BIRC6: variants seen among roughly 807,000 people sequenced by gnomAD.
BIRC6 encodes baculoviral IAP repeat containing 6, also known as dual E2 ubiquitin-conjugating enzyme/E3 ubiquitin-protein ligase BIRC6.
BIRC6 carries 98 observed loss-of-function variants against 503.3 expected under a neutral mutation model. That is an observed-to-expected ratio of 0.19 (90% CI 0.17 to 0.23). BIRC6 has a LOEUF of 0.23. Ranked by LOEUF, BIRC6 falls within the 10% of genes least tolerant of loss-of-function variation. BIRC6 has a pLI of 1.00. For missense variants in BIRC6, 5,360 were observed against 5,806.0 expected, an observed-to-expected ratio of 0.92 and a Z score of 2.50; for synonymous variants, 2,240 against 2,078.7, an observed-to-expected ratio of 1.08 and a Z score of -2.11.
chr2:32,525,162 TTTTTA>T lies in BIRC6; in HGVS notation c.11755+148_11755+152del, dbSNP rs533934933. On this transcript the variant is annotated intron_variant, in intron 58 of 73. Coordinates refer to ENST00000421745, the MANE Select transcript of BIRC6 (RefSeq NM_016252.4). ...GATGTTTTAATACTAGATTTTTATC[TTTTTA>T]TTTTTATTTTTTTTCACTTTCCACT... 8.3e-4 allele frequency: 668 copies of T among 800,748 alleles called. 4 individuals carry two copies. Among genetic ancestry groups the T allele is most frequent in the Non-Finnish European group, 6.2e-5 (34 of 550,600 alleles). 49.6% of individuals were successfully genotyped at this position (800,748 alleles called of 1,614,324 possible).
intron 2 of BIRC6, 69 bp downstream of exon 2, chr2:32,377,838 A>C: frequency 3.7e-6 from 5 of 1,336,934 alleles, no homozygotes; most frequent in Non-Finnish European, 2.0e-6. Context: ...ATGTTAAATG[A>C]AATTAAGTCA....
chr2:32,573,441 C>T (rs935083730), intron 65 of BIRC6, among the ~76,000 whole-genome samples: 1 of 152,178 alleles, frequency 6.6e-6, no homozygotes, highest in African/African-American at 2.4e-5. Flanking sequence ...GGTGATCCAT[C>T]AGCCTCAGCC....
intron 1 of BIRC6, among the ~76,000 whole-genome samples, chr2:32,358,122 A>G (rs1299201257): frequency 1.3e-5 from 2 of 151,870 alleles, no homozygotes; most frequent in Non-Finnish European, 2.9e-5. Flanking sequence ...CGACGACTGT[A>G]GGACTCTGCG....
intron 3 of BIRC6, 148 bp from the exon 4 acceptor site, chr2:32,388,602 A>G: frequency 3.4e-6 from 2 of 596,296 alleles, no homozygotes; most frequent in Non-Finnish European, 5.4e-6. Flanking sequence ...TTTTTTTATA[A>G]CTGCAAGTTT....
intron 5 of BIRC6, among the ~76,000 whole-genome samples, chr2:32,394,151 C>G (rs2039579963): frequency 6.7e-6 from 1 of 149,682 alleles, no homozygotes; most frequent in Non-Finnish European, 1.5e-5. Context: ...TAAGTGATGC[C>G]TTGATTTTTT....
intron 57 of BIRC6, among the ~76,000 whole-genome samples, chr2:32,520,557 C>G (rs924267581): frequency 1.3e-5 from 2 of 152,178 alleles, no homozygotes; most frequent in African/African-American, 4.8e-5. Flanking sequence ...TTGGCTCACA[C>G]CTGTAATCCC....
intron 65 of BIRC6, among the ~76,000 whole-genome samples, chr2:32,563,016 GT>G (rs1245532314): frequency 1.3e-5 from 2 of 152,176 alleles, no homozygotes; most frequent in African/African-American, 4.8e-5. Context: ...AAGTCATATA[GT>G]GTCAGTCCTC....
intron 65 of BIRC6, chr2:32,566,299 A>G (rs796929980): frequency 3.9e-5 from 6 of 152,278 alleles, no homozygotes; most frequent in Middle Eastern, 3.4e-3. Flanking sequence ...GTCTCACTCT[A>G]TGTCCCAGGC....
chr2:32,554,385 T>C (rs1386611792), intron 65 of BIRC6, among the ~76,000 whole-genome samples: 2 of 152,192 alleles, frequency 1.3e-5, no homozygotes, highest in Non-Finnish European at 2.9e-5. Context: ...AGAAATGTAT[T>C]CAGTTGCTCA....
intron 10 of BIRC6, among the ~76,000 whole-genome samples, chr2:32,420,379 C>A (rs561732157): frequency 6.6e-6 from 1 of 152,104 alleles, no homozygotes; most frequent in Non-Finnish European, 1.5e-5. Flanking sequence ...TATACACATT[C>A]AATTATGTTT....
chr2:32,564,096 C>CAAAA (rs113182771), intron 65 of BIRC6: 8,942 of 152,246 alleles, frequency 0.059, 565 homozygotes, highest in African/African-American at 0.16. Context: ...AAAAAACAAA[C>CAAAA]AAACCCTGTA....
At chr2:32,502,689 G>A (rs993542979) in intron 47 of BIRC6, 106 bp from the exon 48 acceptor site, 2 of 742,002 alleles carry the variant, frequency 2.7e-6, no homozygotes, top group African/African-American at 1.8e-5. Flanking sequence ...CGTATTTAAG[G>A]CTGTCAGTTT....
intron 61 of BIRC6, among the ~76,000 whole-genome samples, chr2:32,535,188 G>A (rs1427827742): frequency 9.7e-4 from 97 of 100,514 alleles, no homozygotes; most frequent in African/African-American, 3.4e-3. Flanking sequence ...CTAAGACAAT[G>A]AGAGAATATA....
At chr2:32,578,764 A>T (rs574554659) in intron 66 of BIRC6, among the ~76,000 whole-genome samples, 1 of 151,350 alleles carries the variant, frequency 6.6e-6, no homozygotes, top group African/African-American at 2.4e-5. Flanking sequence ...ACTCCATTAC[A>T]CTCCAGTCTG....
chr2:32,446,738 G>GGT (rs2045985566), intron 21 of BIRC6, among the ~76,000 whole-genome samples: 1 of 34,836 alleles, frequency 2.9e-5, no homozygotes, highest in East Asian at 1.4e-3. Context: ...CCTCTGCGCT[G>GGT]TTTTTTTTTT....
Position 32,415,192 on chromosome 2 carries a change from G to A in BIRC6, c.1901G>A (p.Ser634Asn). The A allele has an allele frequency of 1.2e-6, 2 of 1,613,938 alleles. No homozygotes were observed. Among genetic ancestry groups the A allele is most frequent in the Non-Finnish European group, 1.7e-6 (2 of 1,179,850 alleles). ...ACTTTACCGGTTTTGCTTCTTTATA[G>A]CATCAAGGAATCTGATGAGAAAGCA... ...RRTLPVLLLYSIKESDEKAGK... is the reference protein window; with the variant it reads ...RRTLPVLLLYNIKESDEKAGK... Residue 634 changes from serine (S) to asparagine (N), a missense_variant, in exon 10 of 74, where the codon AGC becomes AAC. This residue lies in a region of BIRC6 where 700 missense variants were observed against 739.3 expected (regional missense o/e 0.95). Transcript: ENST00000421745.
In BIRC6 at chr2:32,511,965, C is replaced by T. The variant is rs920952328; in HGVS notation, c.10347-968C>T. Among the ~76,000 whole-genome samples, 4 of 152,138 alleles carry T rather than the reference C, an allele frequency of 2.6e-5. No individual in the cohort carries two copies. In the South Asian group the frequency reaches 6.2e-4, roughly 24 times the overall value. On this transcript the variant is annotated intron_variant, in intron 53 of 73. Coordinates refer to ENST00000421745, the MANE Select transcript of BIRC6 (RefSeq NM_016252.4). The stretch of plus-strand genomic sequence containing the variant: ...ATCAGTGTTAAATATTTTTCCAGAA[C>T]AGGTTGCTTGAAATCTGTTAGGATT...
At chr2:32,466,971 T>G (rs1470991789) in intron 26 of BIRC6, among the ~76,000 whole-genome samples, 2 of 152,008 alleles carry the variant, frequency 1.3e-5, no homozygotes, top group Non-Finnish European at 2.9e-5. Context: ...TACAAAAAAT[T>G]AGCCGGGCAT....
Position 32,493,612 on chromosome 2 carries a change from C to T in BIRC6, c.8413C>T (p.Pro2805Ser), listed in dbSNP as rs1441012055. 14 of 1,608,328 alleles carry T rather than the reference C, an allele frequency of 8.7e-6. No individual in the cohort carries two copies. The highest frequency in any genetic ancestry group is 1.1e-5 in the Non-Finnish European group (13 of 1,176,132). ...RLQVHLSSTC[P>S]QIFSEFLLKL... ...ACAAGTGCATCTTTCTTCAACATGTCCTCAGATATTCAGTGAATTTTTGCT... is the reference window on the plus strand; with the variant it reads ...ACAAGTGCATCTTTCTTCAACATGTTCTCAGATATTCAGTGAATTTTTGCT... Residue 2805 changes from proline (P) to serine (S), a missense_variant, in exon 45 of 74, where the codon CCT (proline) becomes TCT (serine). By Grantham distance (74) the Pro-to-Ser change is moderately conservative. This residue lies in a region of BIRC6 where 2,299 missense variants were observed against 2,267.2 expected (regional missense o/e 1.01). Coordinates refer to ENST00000421745, the MANE Select transcript of BIRC6 (RefSeq NM_016252.4).
Sources: gnomAD v4.1 joint callset for allele counts (sites outside exome capture counted in the v4.1 genomes callset) on GRCh38, gnomAD v4.1.1 for gene constraint, gnomAD v4.1.1 regional missense constraint, MANE v1.5 for transcripts, NCBI Gene and HGNC (gene_info 2026-07-23, HGNC 2026-07-21) for gene names.